Variants in ANKFY1 observed in about 807,000 individuals in gnomAD.
ANKFY1 encodes ankyrin repeat and FYVE domain containing 1.
In ANKFY1, 47 loss-of-function variants were observed where a neutral mutation model predicts 128.3. That is an observed-to-expected ratio of 0.37 (90% confidence interval 0.29 to 0.47). The LOEUF (loss-of-function observed/expected upper bound fraction) is 0.47. Among genes scored for constraint, ANKFY1 ranks in the 20% least tolerant of loss-of-function variants. The probability of loss-of-function intolerance (pLI) is 1.00; values close to 1 mark genes in which losing one functional copy is unlikely to be tolerated. For synonymous variants in ANKFY1, 553 were observed against 601.6 expected, an observed-to-expected ratio of 0.92 and a Z score of 1.18; for missense variants, 1,222 against 1,510.6, an observed-to-expected ratio of 0.81 and a Z score of 3.17.
chr17:4,229,913 T>C (rs2060486625), intron 3 of ANKFY1, among the ~76,000 whole-genome samples: 1 of 152,224 alleles, frequency 6.6e-6, no homozygotes, highest in Admixed American at 6.5e-5. Flanking sequence ...TGAATCAGCC[T>C]ATACTGAAGA....
intron 4 of ANKFY1, 168 bp downstream of exon 4, chr17:4,216,815 A>G (rs975793140): frequency 6.3e-5 from 56 of 894,478 alleles, no homozygotes; most frequent in Admixed American, 2.3e-4. Flanking sequence ...ATTTAGCTAC[A>G]AGATAACACA....
chr17:4,196,796 G>A (rs2059832388), intron 8 of ANKFY1, among the ~76,000 whole-genome samples: 1 of 152,220 alleles, frequency 6.6e-6, no homozygotes, highest in African/African-American at 2.4e-5. Context: ...TGGACTAGAT[G>A]ACCACTCTGG....
At position 4,170,801 on chromosome 17, in the gene ANKFY1, C is replaced by T; in HGVS notation, c.3200G>A (p.Gly1067Glu). 1 of 1,614,002 alleles carries T rather than the reference C, an allele frequency of 6.2e-7. No individual in the cohort carries two copies. The highest frequency in any genetic ancestry group is 8.5e-7 in the Non-Finnish European group (1 of 1,179,996). Residue 1067 changes from glycine to glutamate, a missense_variant, in exon 23 of 25, where the codon GGG becomes GAG. By Grantham distance (98) the Gly-to-Glu change is moderately conservative. Coordinates refer to ENST00000341657, the MANE Select transcript of ANKFY1 (RefSeq NM_001330063.2). ...ANLCRAIVRS[G>E]ARLGVNNNQG... ...GTTGTTATTCACCCCGAGGCGAGCC[C>T]CCGACCGGACGATGGCGCGGCACAA...
In ANKFY1 at chr17:4,165,267, A is replaced by ATT; in HGVS notation, c.*2511_*2512insAA. 1 of 152,372 alleles carries ATT rather than the reference A, an allele frequency of 6.6e-6. No homozygotes were observed. The highest frequency in any genetic ancestry group is 2.4e-5 in the African/African-American group (1 of 41,582). 9.4% of individuals were successfully genotyped at this position (152,372 alleles called of 1,614,324 possible). A position where few individuals can be genotyped will look rare whatever the true frequency, so the allele number is the denominator to read the frequency against. ...CAGTTGAGAGCACATTCAGCATAACAATGTTGACTGTTGCAGCAAATTATG... is the reference window on the plus strand; with the variant it reads ...CAGTTGAGAGCACATTCAGCATAACATTATGTTGACTGTTGCAGCAAATTATG... On this transcript the variant is annotated 3_prime_UTR_variant, in exon 25 of 25. Coordinates refer to ENST00000341657, the MANE Select transcript of ANKFY1 (RefSeq NM_001330063.2).
chr17:4,177,533 G>A (rs2059430893), intron 18 of ANKFY1, among the ~76,000 whole-genome samples: 1 of 152,194 alleles, frequency 6.6e-6, no homozygotes, highest in Admixed American at 6.5e-5. Flanking sequence ...CACGTGGTCA[G>A]GAGAAGGGAG....
In ANKFY1 at chr17:4,208,025, T is replaced by A; in HGVS notation, c.640A>T (p.Ile214Phe). Residue 214 changes from isoleucine (I) to phenylalanine (F), a missense_variant, in exon 6 of 25, where the codon ATC (isoleucine) becomes TTC (phenylalanine). Transcript: ENST00000341657. Reference protein sequence around the residue: ...SMSAQLLYKMIKSKTEYPLHK... With the variant: ...SMSAQLLYKMFKSKTEYPLHK... ...AGCGGGTACTCTGTCTTGGATTTGA[T>A]CATTTTGTATAACAACTGAGCGCTC... The A allele has an allele frequency of 6.2e-7, 1 of 1,611,752 alleles. No individual in the cohort carries two copies. The highest frequency in any genetic ancestry group is 8.5e-7 in the Non-Finnish European group (1 of 1,179,066).
chr17:4,257,779 A>C (rs1598160303), intron 1 of ANKFY1, among the ~76,000 whole-genome samples: 1 of 152,352 alleles, frequency 6.6e-6, no homozygotes, highest in Middle Eastern at 3.4e-3. Context: ...ATTCGTATTT[A>C]ACTATCAATT....
At position 4,167,932 on chromosome 17, in the gene ANKFY1, A is replaced by G. The variant is rs1375044782; in HGVS notation, c.3378-21T>C. The G allele has an allele frequency of 6.2e-7, 1 of 1,610,392 alleles. No homozygotes were observed. The highest frequency in any genetic ancestry group is 1.1e-5 in the South Asian group (1 of 90,774). On this transcript the variant is annotated intron_variant, in intron 24 of 24. Coordinates refer to ENST00000341657, the MANE Select transcript of ANKFY1 (RefSeq NM_001330063.2). This position sits in a 1 kb window ranked among gnomAD's most constrained non-coding sequence, Gnocchi z 4.1. Reference sequence around the variant, plus strand: ...GACGACTGTGGAAGCAAAGAAAGGAAGTATGAGAGGAGCGCCAACGACAGA... The same window carrying G: ...GACGACTGTGGAAGCAAAGAAAGGAGGTATGAGAGGAGCGCCAACGACAGA...
intron 3 of ANKFY1, among the ~76,000 whole-genome samples, chr17:4,221,695 T>C (rs575499990): frequency 5.9e-5 from 9 of 152,320 alleles, no homozygotes; most frequent in African/African-American, 1.7e-4. Flanking sequence ...CTCGGCTCAC[T>C]GCAACCTCCA....
At chr17:4,245,830 T>C (rs1020091828) in intron 1 of ANKFY1, among the ~76,000 whole-genome samples, 1 of 150,148 alleles carries the variant, frequency 6.7e-6, no homozygotes, top group African/African-American at 2.5e-5. Context: ...GGGCAGATCA[T>C]GAGGTCAGTT....
At chr17:4,173,554 G>A in intron 20 of ANKFY1, 110 bp from the exon 21 acceptor site, 9 of 985,824 alleles carry the variant, frequency 9.1e-6, no homozygotes, top group South Asian at 1.4e-5. Context: ...CCACAGCAGC[G>A]ACTGGCCACG....
intron 1 of ANKFY1, among the ~76,000 whole-genome samples, chr17:4,252,537 C>A (rs1296923367): frequency 6.6e-6 from 1 of 151,932 alleles, no homozygotes; most frequent in Non-Finnish European, 1.5e-5. Flanking sequence ...CCACTGCACC[C>A]CAGCCTGGGT....
intron 1 of ANKFY1, among the ~76,000 whole-genome samples, chr17:4,243,565 G>A (rs1967370614): frequency 1.3e-5 from 2 of 152,166 alleles, no homozygotes; most frequent in South Asian, 4.1e-4. Flanking sequence ...TATAGAGGAG[G>A]ACACTGGGAC....
chr17:4,211,056 GA>G (rs1335218844), intron 4 of ANKFY1, among the ~76,000 whole-genome samples: 1 of 151,310 alleles, frequency 6.6e-6, no homozygotes, highest in Non-Finnish European at 1.5e-5. Context: ...AAAATAAAAA[GA>G]AAAAAAGAAA....
intron 2 of ANKFY1, among the ~76,000 whole-genome samples, chr17:4,241,840 A>G (rs1462383231): frequency 6.6e-6 from 1 of 151,890 alleles, no homozygotes; most frequent in Admixed American, 6.6e-5. Context: ...TTGTAATCCC[A>G]GCACTCTGGG....
intron 3 of ANKFY1, chr17:4,223,576 G>C (rs979830774): frequency 2.0e-5 from 25 of 1,241,328 alleles, no homozygotes; most frequent in Non-Finnish European, 2.6e-5. Context: ...TAGCACTAGT[G>C]ATGTGTGGGG....
intron 3 of ANKFY1, among the ~76,000 whole-genome samples, chr17:4,232,003 T>A (rs2060520979): frequency 6.6e-6 from 1 of 151,440 alleles, no homozygotes; most frequent in Non-Finnish European, 1.5e-5. Context: ...AAATGTGGAG[T>A]TTTTCTTACA....
chr17:4,246,956 T>C (rs988065871), intron 1 of ANKFY1, among the ~76,000 whole-genome samples: 13 of 151,438 alleles, frequency 8.6e-5, no homozygotes, highest in Admixed American at 2.6e-4. Flanking sequence ...TACAAAAAAA[T>C]ACAAAAATGA....
rs777124747 is a variant in ANKFY1 at position 4,181,249 on chromosome 17, C to G, written c.2240+5G>C. 2.5e-6 allele frequency: 4 copies of G among 1,612,186 alleles called. No homozygotes were observed. The African/African-American group carries it at 4.0e-5, about 16-fold the overall frequency. ...GCTGTGGAGAGATACTGGGGACTCT[C>G]AGACCTGCGAATAAGAAAGCAGGCG... On this transcript the variant is annotated splice_donor_5th_base_variant and intron_variant, in intron 16 of 24. Transcript: ENST00000341657. This position sits in a 1 kb window ranked among gnomAD's most constrained non-coding sequence, Gnocchi z 4.9.
Sources: gnomAD v4.1 joint callset for allele counts (sites outside exome capture counted in the v4.1 genomes callset) on GRCh38, gnomAD v4.1.1 for gene constraint, Gnocchi (gnomAD v3.1) non-coding constraint, MANE v1.5 for transcripts, NCBI Gene and HGNC (gene_info 2026-07-23, HGNC 2026-07-21) for gene names.